The following KCNIP1 variants were observed in gnomAD, a reference collection of about 807,000 sequenced individuals.
The protein encoded by KCNIP1 is A-type potassium channel modulatory protein KCNIP1.
In KCNIP1, 18 loss-of-function variants were observed where a neutral mutation model predicts 33.0. The ratio of observed to expected loss-of-function variants is 0.55; its 90% CI spans 0.38 to 0.81. The LOEUF (loss-of-function observed/expected upper bound fraction) is 0.81, where lower values mean the gene tolerates loss of function less well. KCNIP1 is among the 30% of genes least tolerant of loss of function. The pLI is 0.00. For missense variants in KCNIP1, 238 were observed against 271.6 expected, an observed-to-expected ratio of 0.88 and a Z score of 0.87; for synonymous variants, 93 against 98.3, an observed-to-expected ratio of 0.95 and a Z score of 0.32.
intron 1 of KCNIP1, among the ~76,000 whole-genome samples, chr5:170,655,129 TAA>T (rs746413194): frequency 6.6e-6 from 1 of 152,202 alleles, no homozygotes; most frequent in Non-Finnish European, 1.5e-5. Context: ...CAAAATATCT[TAA>T]GTCATTCTTA....
chr5:170,472,023 G>T (rs1756739882), intron 1 of KCNIP1, among the ~76,000 whole-genome samples: 1 of 152,152 alleles, frequency 6.6e-6, no homozygotes, highest in South Asian at 2.1e-4. Context: ...TGGGTTTGGG[G>T]AAGCAGTTCC....
At chr5:170,423,293 T>G (rs1349317193) in intron 1 of KCNIP1, among the ~76,000 whole-genome samples, 1 of 151,872 alleles carries the variant, frequency 6.6e-6, no homozygotes, top group Non-Finnish European at 1.5e-5. Flanking sequence ...TCTTGTTTTT[T>G]TTTTTTCAAT....
At chr5:170,723,133 G>A (rs1037425748) in intron 5 of KCNIP1, among the ~76,000 whole-genome samples, 21 of 152,334 alleles carry the variant, frequency 1.4e-4, no homozygotes, top group African/African-American at 4.6e-4. Context: ...CTGCATTTGG[G>A]AAGGTTAGGA....
chr5:170,478,817 A>G (rs1310841594), intron 1 of KCNIP1, among the ~76,000 whole-genome samples: 1 of 152,222 alleles, frequency 6.6e-6, no homozygotes. Flanking sequence ...GTGAATAAAA[A>G]TGACAGACAG....
intron 1 of KCNIP1, among the ~76,000 whole-genome samples, chr5:170,541,533 G>A (rs1342506440): frequency 1.3e-5 from 2 of 152,178 alleles, no homozygotes; most frequent in Non-Finnish European, 2.9e-5. Context: ...TTCAACACTT[G>A]TCACCAGCAA....
At chr5:170,678,183 T>C (rs1356537723) in intron 1 of KCNIP1, among the ~76,000 whole-genome samples, 1 of 152,238 alleles carries the variant, frequency 6.6e-6, no homozygotes, top group East Asian at 1.9e-4. Flanking sequence ...GGTTTTCTGA[T>C]AAACAATTCC....
chr5:170,699,633 G>A (rs7721250), intron 1 of KCNIP1, among the ~76,000 whole-genome samples: 24,304 of 151,612 alleles, frequency 0.16, 2,358 homozygotes, highest in African/African-American at 0.27. Flanking sequence ...GATACCATAG[G>A]GTCAGTTCTG....
chr5:170,438,634 C>T (rs1755919536), intron 1 of KCNIP1, among the ~76,000 whole-genome samples: 1 of 152,178 alleles, frequency 6.6e-6, no homozygotes, highest in South Asian at 2.1e-4. Context: ...ACCACACTCC[C>T]ATAGACTTCC....
intron 1 of KCNIP1, among the ~76,000 whole-genome samples, chr5:170,484,540 T>G (rs1001137431): frequency 6.6e-6 from 1 of 152,074 alleles, no homozygotes; most frequent in Non-Finnish European, 1.5e-5. Flanking sequence ...CTCCCCACCT[T>G]GTCTCTCCTT....
Position 170,401,719 on chromosome 5 carries a change from G to T in KCNIP1, c.88+47755G>T, listed in dbSNP as rs1443028867. Among the ~76,000 whole-genome samples, 2 of 150,930 alleles carry T rather than the reference G, an allele frequency of 1.3e-5. 1 individual carries two copies. Among genetic ancestry groups the T allele is most frequent in the Admixed American group, 1.3e-4 (2 of 15,130 alleles). ...CAAGGCTGCAGTAAGCCGTGATTTCGCCACTGCACTTTAGCTTGAGTGACG... is the reference window on the plus strand; with the variant it reads ...CAAGGCTGCAGTAAGCCGTGATTTCTCCACTGCACTTTAGCTTGAGTGACG... On this transcript the variant is annotated intron_variant, in intron 1 of 7. Transcript: ENST00000377360.
At chr5:170,459,317 T>C (rs998158311) in intron 1 of KCNIP1, among the ~76,000 whole-genome samples, 2 of 152,192 alleles carry the variant, frequency 1.3e-5, no homozygotes, top group Non-Finnish European at 2.9e-5. Context: ...ACAATGGATT[T>C]AAAGTATATC....
chr5:170,707,780 C>T (rs538892276), intron 1 of KCNIP1, among the ~76,000 whole-genome samples: 136 of 152,036 alleles, frequency 8.9e-4, no homozygotes, highest in Non-Finnish European at 1.6e-3. Flanking sequence ...AGCAGAAACA[C>T]TCAAAGGTTT....
At chr5:170,625,265 T>C (rs1759777324) in intron 1 of KCNIP1, among the ~76,000 whole-genome samples, 1 of 152,130 alleles carries the variant, frequency 6.6e-6, no homozygotes, top group African/African-American at 2.4e-5. Context: ...TGCAGCTACC[T>C]TCTCTCTAGT....
chr5:170,441,425 G>A (rs953699295), intron 1 of KCNIP1, among the ~76,000 whole-genome samples: 1 of 152,142 alleles, frequency 6.6e-6, no homozygotes, highest in Admixed American at 6.5e-5. Flanking sequence ...GGGGTGGGGG[G>A]CCCATCTGTG....
chr5:170,449,914 T>A (rs957365555), intron 1 of KCNIP1, among the ~76,000 whole-genome samples: 1 of 152,084 alleles, frequency 6.6e-6, no homozygotes, highest in East Asian at 1.9e-4. Flanking sequence ...ATAGAAAGAC[T>A]CAAACCTTCT....
At chr5:170,593,501 A>G (rs1473819661) in intron 1 of KCNIP1, among the ~76,000 whole-genome samples, 1 of 152,188 alleles carries the variant, frequency 6.6e-6, no homozygotes, top group Non-Finnish European at 1.5e-5. Context: ...GTGACAACAA[A>G]CTCATTCTTC....
intron 1 of KCNIP1, among the ~76,000 whole-genome samples, chr5:170,379,684 C>A (rs1249260313): frequency 6.6e-6 from 1 of 152,204 alleles, no homozygotes; most frequent in African/African-American, 2.4e-5. Flanking sequence ...GAAACCAGAT[C>A]ACACCTGTAA....
chr5:170,438,460 A>G (rs1755915338), intron 1 of KCNIP1, among the ~76,000 whole-genome samples: 2 of 152,180 alleles, frequency 1.3e-5, no homozygotes, highest in African/African-American at 4.8e-5. Context: ...CCTGAAATCA[A>G]TTCCTCATCT....
chr5:170,354,018 C>A lies in KCNIP1; in HGVS notation c.88+54C>A. Reference sequence around the variant, plus strand: ...TCTGTCTTGATATGGCCTGGCTGGTCGCATTGCCTCGGTGTGGTGAGCGTG... The same window carrying A: ...TCTGTCTTGATATGGCCTGGCTGGTAGCATTGCCTCGGTGTGGTGAGCGTG... On this transcript the variant is annotated intron_variant, in intron 1 of 7. Coordinates refer to the KCNIP1 transcript ENST00000377360. 4 of 1,495,824 alleles carry A rather than the reference C, an allele frequency of 2.7e-6. No individual in the cohort carries two copies. The South Asian group carries it at 3.4e-5, about 13-fold the overall frequency. 92.7% of individuals were successfully genotyped at this position (1,495,824 alleles called of 1,614,324 possible).
Sources: allele counts gnomAD v4.1 joint callset (sites outside exome capture counted in the v4.1 genomes callset), GRCh38; gene constraint gnomAD v4.1.1; transcripts MANE v1.5; gene names NCBI Gene and HGNC (gene_info 2026-07-23, HGNC 2026-07-21).